Variants in RASEF observed in about 807,000 individuals in gnomAD.
RASEF encodes RAS and EF-hand domain containing.
Under a neutral mutation model 90.1 loss-of-function variants are expected in RASEF, and 68 were observed. That is an observed-to-expected ratio of 0.75 (90% confidence interval 0.62 to 0.92). RASEF has a LOEUF of 0.92. RASEF is among the 40% of genes least tolerant of loss of function. RASEF has a pLI of 0.00. For synonymous variants in RASEF, 331 were observed against 345.2 expected (o/e 0.96, Z 0.46); for missense variants, 949 against 937.2 (o/e 1.01, Z -0.16).
chr9:83,120,213 A>G, the RASEF span, among the ~76,000 whole-genome samples: 1 of 152,232 alleles, frequency 6.6e-6, no homozygotes, highest in African/African-American at 2.4e-5. Context: ...TTTGGCCACA[A>G]TCCTACTCCA....
intron 1 of RASEF, among the ~76,000 whole-genome samples, chr9:83,032,358 T>A (rs1309635744): frequency 1.3e-5 from 2 of 152,342 alleles, no homozygotes; most frequent in African/African-American, 4.8e-5. Context: ...ACCCAGGGCC[T>A]CATCTAAAGC....
At chr9:83,118,037 A>T in the RASEF span, among the ~76,000 whole-genome samples, 2 of 152,188 alleles carry the variant, frequency 1.3e-5, no homozygotes, top group African/African-American at 4.8e-5. Context: ...CTCAACTGAC[A>T]AATGTGGATG....
At chr9:83,213,799 T>C in the RASEF span, among the ~76,000 whole-genome samples, 1 of 152,236 alleles carries the variant, frequency 6.6e-6, no homozygotes, top group Admixed American at 6.5e-5. Context: ...AAAGAATCAA[T>C]CTAATTTGAT....
chr9:83,076,863 A>AT, the RASEF span, among the ~76,000 whole-genome samples: 3 of 152,168 alleles, frequency 2.0e-5, no homozygotes, highest in East Asian at 1.9e-4. Flanking sequence ...ACAAGTCCTG[A>AT]TTTTTTTTCC....
chr9:83,185,375 TG>T, the RASEF span, among the ~76,000 whole-genome samples: 2 of 151,472 alleles, frequency 1.3e-5, no homozygotes, highest in Admixed American at 6.6e-5. Flanking sequence ...TTAATTTTTT[TG>T]TGGAGACCCT....
chr9:83,206,128 A>G, the RASEF span, among the ~76,000 whole-genome samples: 14 of 152,222 alleles, frequency 9.2e-5, no homozygotes, highest in African/African-American at 3.4e-4. Flanking sequence ...CGTTTCAGCC[A>G]TTTCTCAAAA....
intron 1 of RASEF, among the ~76,000 whole-genome samples, chr9:83,030,818 C>T (rs142825409): frequency 2.2e-3 from 331 of 152,324 alleles, no homozygotes; most frequent in African/African-American, 7.4e-3. Flanking sequence ...AAATCGCTTA[C>T]AAAATCTTCA....
At chr9:83,180,315 G>C in the RASEF span, among the ~76,000 whole-genome samples, 5 of 152,098 alleles carry the variant, frequency 3.3e-5, no homozygotes, top group African/African-American at 4.8e-5. Flanking sequence ...TATGTCTAAG[G>C]AGGAAATTTC....
the RASEF span, among the ~76,000 whole-genome samples, chr9:83,127,856 T>C: frequency 6.6e-6 from 1 of 152,172 alleles, no homozygotes; most frequent in Non-Finnish European, 1.5e-5. Flanking sequence ...ATTTTCCTAA[T>C]TCTTCATGCA....
the RASEF span, among the ~76,000 whole-genome samples, chr9:83,186,284 A>C: frequency 1.1e-4 from 17 of 152,134 alleles, no homozygotes; most frequent in East Asian, 3.3e-3. Flanking sequence ...AAAGCAAAGT[A>C]ATCTAAATTA....
At position 83,000,234 on chromosome 9, in the gene RASEF, C is replaced by T. The variant is rs1459592811; in HGVS notation, c.1658G>A (p.Gly553Glu). The T allele has an allele frequency of 1.9e-6, 3 of 1,613,904 alleles. No homozygotes were observed. In the Admixed American group the frequency reaches 5.0e-5, roughly 27 times the overall value. Residue 553 changes from glycine (G) to glutamate (E), a missense_variant, in exon 12 of 17, where the codon GGG becomes GAG. Gly to Glu is a moderately conservative substitution (Grantham distance 98, BLOSUM62 -2). This residue lies in a region of RASEF where 288 missense variants were observed against 328.4 expected (regional missense o/e 0.88). Coordinates refer to ENST00000376447, the MANE Select transcript of RASEF (RefSeq NM_152573.4). ...AAGTCTCATGAGGAAACTAGACTTC[C>T]CCACTGCAGCGTCCCCAGCAAGTAC... ...KIVLAGDAAV[G>E]KSSFLMRLCK...
At chr9:83,188,734 G>A in the RASEF span, among the ~76,000 whole-genome samples, 1 of 152,130 alleles carries the variant, frequency 6.6e-6, no homozygotes, top group Non-Finnish European at 1.5e-5. Context: ...CCACAACACA[G>A]AGTCCACATC....
chr9:83,216,257 G>T, the RASEF span, among the ~76,000 whole-genome samples: 5 of 152,222 alleles, frequency 3.3e-5, no homozygotes, highest in Non-Finnish European at 7.3e-5. Flanking sequence ...TGGGGAAAAT[G>T]TCTCCAGGTC....
In RASEF at chr9:83,025,984, G is replaced by A. The variant is rs73469438; in HGVS notation, c.432-63C>T. On this transcript the variant is annotated intron_variant, in intron 1 of 16. Coordinates refer to ENST00000376447, the MANE Select transcript of RASEF (RefSeq NM_152573.4). ...AATTTTAAAGGCAACTCTGCAGGGGGCTTTTAAGAAAGAGAAACATAAATG... is the reference window on the plus strand; with the variant it reads ...AATTTTAAAGGCAACTCTGCAGGGGACTTTTAAGAAAGAGAAACATAAATG... 6.1e-3 allele frequency: 7,363 copies of A among 1,209,814 alleles called. 322 individuals are homozygous for A. The African/African-American group carries it at 0.1, about 17-fold the overall frequency. The allele number at this position is 1,209,814 out of a possible 1,614,324, so 74.9% of individuals were successfully genotyped here.
chr9:83,048,282 A>C, intron 1 of RASEF: 4 of 985,396 alleles, frequency 4.1e-6, no homozygotes, highest in Non-Finnish European at 4.8e-6. Flanking sequence ...TTGCAAAAGA[A>C]GGCATGAAGG....
At chr9:83,115,713 C>A in the RASEF span, among the ~76,000 whole-genome samples, 1 of 152,096 alleles carries the variant, frequency 6.6e-6, no homozygotes, top group African/African-American at 2.4e-5. Flanking sequence ...AAGGGAGATG[C>A]AAATCTCTGT....
intron 3 of RASEF, among the ~76,000 whole-genome samples, chr9:83,018,447 G>A (rs988586356): frequency 1.3e-5 from 2 of 152,076 alleles, no homozygotes; most frequent in Non-Finnish European, 2.9e-5. Flanking sequence ...AAACATTGCT[G>A]AAAGAAGACA....
At chr9:83,096,420 C>T in the RASEF span, among the ~76,000 whole-genome samples, 1 of 152,062 alleles carries the variant, frequency 6.6e-6, no homozygotes, top group Non-Finnish European at 1.5e-5. Flanking sequence ...TAAAACTGAA[C>T]AGACCCACCT....
chr9:83,039,427 C>T (rs768077974), intron 1 of RASEF, among the ~76,000 whole-genome samples: 8 of 152,106 alleles, frequency 5.3e-5, no homozygotes, highest in Non-Finnish European at 8.8e-5. Context: ...AAGGGCTCAA[C>T]GTGAACTGAT....
Sources: allele counts gnomAD v4.1 joint callset (sites outside exome capture counted in the v4.1 genomes callset), GRCh38; gene constraint gnomAD v4.1.1; regional missense constraint gnomAD v4.1.1; transcripts MANE v1.5; gene names NCBI Gene and HGNC (gene_info 2026-07-23, HGNC 2026-07-21).